The following VGLL2 variants were observed in gnomAD, a reference collection of about 807,000 sequenced individuals.
VGLL2 encodes the protein transcription cofactor vestigial-like protein 2.
Under a neutral mutation model 27.0 loss-of-function variants are expected in VGLL2, and 18 were observed. The ratio of observed to expected loss-of-function variants is 0.67; its 90% CI spans 0.46 to 0.99. The LOEUF is 0.99. Among genes scored for constraint, VGLL2 ranks in the 50% least tolerant of loss-of-function variants. The pLI, the probability that VGLL2 is intolerant of heterozygous loss-of-function variation, is 0.00. For missense variants in VGLL2, 491 were observed against 452.3 expected, an observed-to-expected ratio of 1.09 and a Z score of -0.78; for synonymous variants, 220 against 201.1, an observed-to-expected ratio of 1.09 and a Z score of -0.80.
In VGLL2 at chr6:117,270,928, G is replaced by A. The variant is rs1324202991; in HGVS notation, c.777G>A (p.Ala259=). ...CGGCCCGCCTCGCAACCGCCCCGGC[G>A]CCCGCGCCCGGCAGTCCTCCCTGCG... The part of the protein sequence containing the change: ...GRPARLATAP[A]PAPGSPPCEL... The change falls in exon 3 of 4, where the codon GCG becomes GCA. Residue 259 remains alanine (A), a synonymous_variant. Coordinates refer to ENST00000326274, the MANE Select transcript of VGLL2 (RefSeq NM_182645.3). 3.0e-5 allele frequency: 37 copies of A among 1,242,930 alleles called. No homozygotes were observed. Among genetic ancestry groups the A allele is most frequent in the African/African-American group, 6.3e-5 (4 of 63,496 alleles). 77.0% of individuals were successfully genotyped at this position (1,242,930 alleles called of 1,614,324 possible).
Position 117,265,892 on chromosome 6 carries a change from T to C in VGLL2, c.81+48T>C, listed in dbSNP as rs763213034. On this transcript the variant is annotated intron_variant, in intron 1 of 3. Transcript: ENST00000326274. ...TTGGGAAGGAGTGCGCGCCCCCCGTTTGCGGCGGCATGGCCTGTACGCCAA... is the reference window on the plus strand; with the variant it reads ...TTGGGAAGGAGTGCGCGCCCCCCGTCTGCGGCGGCATGGCCTGTACGCCAA... The C allele has an allele frequency of 1.6e-5, 24 of 1,547,276 alleles. No homozygotes were observed. In the African/African-American group the frequency reaches 3.1e-4, roughly 20 times the overall value.
At position 117,272,629 on chromosome 6, in the gene VGLL2, C is replaced by CA; in HGVS notation, c.*140dup. On this transcript the variant is annotated 3_prime_UTR_variant, in exon 4 of 4. Coordinates refer to ENST00000326274, the MANE Select transcript of VGLL2 (RefSeq NM_182645.3). ...AGACTTCTCAGTGTGTTGGGAAAAC[C>CA]AAAAACCACAACTACAGAAATTCAT... 1 of 1,218,044 alleles carries CA rather than the reference C, an allele frequency of 8.2e-7. No individual in the cohort carries two copies. The highest frequency in any genetic ancestry group is 1.4e-5 in the South Asian group (1 of 69,428). The allele number at this position is 1,218,044 out of a possible 1,614,324, so 75.5% of individuals were successfully genotyped here. A position where few individuals can be genotyped will look rare whatever the true frequency, so the allele number is the denominator to read the frequency against.
At chr6:117,265,924 C>A in intron 1 of VGLL2, 80 bp downstream of exon 1, 1 of 1,325,556 alleles carries the variant, frequency 7.5e-7, no homozygotes, top group Non-Finnish European at 1.1e-6. Context: ...CCAAGGTCTG[C>A]TGTGCCTCCG....
At position 117,270,555 on chromosome 6, in the gene VGLL2, C is replaced by A; in HGVS notation, c.404C>A (p.Pro135Gln). 2 of 1,598,424 alleles carry A rather than the reference C, an allele frequency of 1.3e-6. No homozygotes were observed. The highest frequency in any genetic ancestry group is 1.7e-6 in the Non-Finnish European group (2 of 1,173,922). ...GGCCGGCCTACAGACTGCTCCTTCCCGATGAGCCAGCGCAGCTTCCCCGCC... is the reference window on the plus strand; with the variant it reads ...GGCCGGCCTACAGACTGCTCCTTCCAGATGAGCCAGCGCAGCTTCCCCGCC... ...SSGPWRDCSF[P>Q]MSQRSFPASF... The change falls in exon 3 of 4, where the codon CCG becomes CAG. Residue 135 changes from proline to glutamine, a missense_variant. Transcript: ENST00000326274.
In VGLL2 at chr6:117,272,928, G is replaced by A. The variant is rs755997084; in HGVS notation, c.*434G>A. 1 of 167,244 alleles carries A rather than the reference G, an allele frequency of 6.0e-6. No homozygotes were observed. The highest frequency in any genetic ancestry group is 1.8e-4 in the East Asian group (1 of 5,586). 10.4% of individuals were successfully genotyped at this position (167,244 alleles called of 1,614,324 possible). Reference sequence around the variant, plus strand: ...TACTTGCATCTAAGACTGTGGTAGAGAAGTAAAGAGAAGTCAATTCCTTCT... The same window carrying A: ...TACTTGCATCTAAGACTGTGGTAGAAAAGTAAAGAGAAGTCAATTCCTTCT... On this transcript the variant is annotated 3_prime_UTR_variant, in exon 4 of 4. Coordinates refer to ENST00000326274, the MANE Select transcript of VGLL2 (RefSeq NM_182645.3).
chr6:117,269,502 A>T (rs1202641376), intron 2 of VGLL2, among the ~76,000 whole-genome samples: 1 of 152,224 alleles, frequency 6.6e-6, no homozygotes, highest in Admixed American at 6.5e-5. Context: ...TCCAAAAAAC[A>T]TTCATTTTAA....
chr6:117,270,514 T>G (rs1372485693), intron 2 of VGLL2, 29 bp from the exon 3 acceptor site: 1 of 1,557,544 alleles, frequency 6.4e-7, no homozygotes, highest in Non-Finnish European at 8.7e-7. Context: ...TTTCCTTTCC[T>G]CCACTCCGCC....
chr6:117,268,370 T>C lies in VGLL2; in HGVS notation c.270T>C (p.Tyr90=). Residue 90 remains tyrosine (Y), a synonymous_variant, in exon 2 of 4, where the codon TAT becomes TAC. Transcript: ENST00000326274. ...YINSRCVLFT[Y]FQGDISSVVD... The stretch of plus-strand genomic sequence containing the variant: ...ACTCCCGCTGCGTCCTCTTCACTTA[T>C]TTCCAGGGGGACATCAGCTCCGTGG... The C allele has an allele frequency of 1.9e-6, 3 of 1,614,030 alleles. No homozygotes were observed. The highest frequency in any genetic ancestry group is 1.1e-5 in the South Asian group (1 of 91,066).
rs912316626 is a variant in VGLL2 at position 117,272,532 on chromosome 6, G to C, written c.*38G>C. On this transcript the variant is annotated 3_prime_UTR_variant, in exon 4 of 4. Transcript: ENST00000326274. ...GGGTTTCCCCTTCCCCTTCCCTTCT[G>C]ACCAGCCTTGGAGGCTCAGCATCTG... The C allele has an allele frequency of 3.1e-6, 5 of 1,613,754 alleles. No homozygotes were observed. The African/African-American group carries it at 6.7e-5, about 22-fold the overall frequency.
Position 117,270,769 on chromosome 6 carries a change from C to G in VGLL2, c.618C>G (p.His206Gln). 1 of 1,473,530 alleles carries G rather than the reference C, an allele frequency of 6.8e-7. No individual in the cohort carries two copies. The highest frequency in any genetic ancestry group is 8.9e-7 in the Non-Finnish European group (1 of 1,120,628). 91.3% of individuals were successfully genotyped at this position (1,473,530 alleles called of 1,614,324 possible). Residue 206 changes from histidine (H) to glutamine (Q), a missense_variant, in exon 3 of 4, where the codon CAC (histidine) becomes CAG (glutamine). Physicochemically the swap from His to Gln is conservative, Grantham distance 24. Coordinates refer to ENST00000326274, the MANE Select transcript of VGLL2 (RefSeq NM_182645.3). ...HAHPHHAHPH[H>Q]PYALGGALGA... ...ACCCGCACCACGCGCACCCGCATCA[C>G]CCCTACGCCCTGGGCGGCGCCCTCG...
At chr6:117,268,150 T>C in intron 1 of VGLL2, 32 bp from the exon 2 acceptor site, 1 of 1,600,660 alleles carries the variant, frequency 6.2e-7, no homozygotes, top group Non-Finnish European at 8.5e-7. Flanking sequence ...GCTTTTGAAA[T>C]TGATATCTCT....
In VGLL2 at chr6:117,270,720, C is replaced by T; in HGVS notation, c.569C>T (p.Ala190Val). ...AALHGHLHQGATEPWHHAHPH... is the reference protein window; with the variant it reads ...AALHGHLHQGVTEPWHHAHPH... The stretch of plus-strand genomic sequence containing the variant: ...CTGCATGGCCACCTGCACCAGGGCG[C>T]CACGGAGCCCTGGCACCACGCGCAC... The change falls in exon 3 of 4, where the codon GCC becomes GTC. Residue 190 changes from alanine to valine, a missense_variant. By Grantham distance (64) the Ala-to-Val change is moderately conservative. Coordinates refer to ENST00000326274, the MANE Select transcript of VGLL2 (RefSeq NM_182645.3). The T allele has an allele frequency of 6.5e-7, 1 of 1,527,102 alleles. No homozygotes were observed. The highest frequency in any genetic ancestry group is 8.7e-7 in the Non-Finnish European group (1 of 1,146,800). The allele number at this position is 1,527,102 out of a possible 1,614,324, so 94.6% of individuals were successfully genotyped here. A position where few individuals can be genotyped will look rare whatever the true frequency, so the allele number is the denominator to read the frequency against.
At position 117,270,906 on chromosome 6, in the gene VGLL2, C is replaced by T. The variant is rs761854351; in HGVS notation, c.755C>T (p.Ala252Val). Residue 252 changes from alanine (A) to valine (V), a missense_variant, in exon 3 of 4, where the codon GCC becomes GTC. Coordinates refer to ENST00000326274, the MANE Select transcript of VGLL2 (RefSeq NM_182645.3). ...LLMPAASGRP[A>V]RLATAPAPAP... ...ATGCCAGCCGCCTCGGGGCGCCCGG[C>T]CCGCCTCGCAACCGCCCCGGCGCCC... 4 of 1,262,944 alleles carry T rather than the reference C, an allele frequency of 3.2e-6. No individual in the cohort carries two copies. Among genetic ancestry groups the T allele is most frequent in the Non-Finnish European group, 4.0e-6 (4 of 1,009,006 alleles). 78.2% of individuals were successfully genotyped at this position (1,262,944 alleles called of 1,614,324 possible).
At chr6:117,265,936 G>C in intron 1 of VGLL2, 92 bp downstream of exon 1, 4 of 1,192,944 alleles carry the variant, frequency 3.4e-6, no homozygotes, top group Non-Finnish European at 4.9e-6. Flanking sequence ...GTGCCTCCGC[G>C]CGTCTCGGGC....
Position 117,270,109 on chromosome 6 carries a change from G to A in VGLL2, c.392-434G>A, listed in dbSNP as rs577150720. On this transcript the variant is annotated intron_variant, in intron 2 of 3. Transcript: ENST00000326274. The stretch of plus-strand genomic sequence containing the variant: ...AGGCGGCCGACCAAGAGTGGGAAGA[G>A]GTATCGTTAGCTTGGGGAGAGGTTA... 2.0e-5 allele frequency among the ~76,000 whole-genome samples: 3 copies of A among 152,136 alleles called. No individual in the cohort carries two copies. The East Asian group carries it at 5.8e-4, about 29-fold the overall frequency.
rs1418697276 is a variant in VGLL2, at chr6:117,273,452, C to T, written c.*958C>T. On this transcript the variant is annotated 3_prime_UTR_variant, in exon 4 of 4. Transcript: ENST00000326274. ...ACCTCGAATTTTTTTCTCAGTCTCACTGGTTGTGATTTGGTCACTTTAGTG... is the reference window on the plus strand; with the variant it reads ...ACCTCGAATTTTTTTCTCAGTCTCATTGGTTGTGATTTGGTCACTTTAGTG... 1 of 152,096 alleles carries T rather than the reference C, an allele frequency of 6.6e-6. No individual in the cohort carries two copies. Among genetic ancestry groups the T allele is most frequent in the Non-Finnish European group, 1.5e-5 (1 of 68,036 alleles). The allele number at this position is 152,096 out of a possible 1,614,324, so 9.4% of individuals were successfully genotyped here. A position where few individuals can be genotyped will look rare whatever the true frequency, so the allele number is the denominator to read the frequency against.
rs1245193138 is a variant in VGLL2 at position 117,272,478 on chromosome 6, C to T, written c.938C>T (p.Ala313Val). 9.9e-6 allele frequency: 16 copies of T among 1,614,080 alleles called. No individual in the cohort carries two copies. Among genetic ancestry groups the T allele is most frequent in the Non-Finnish European group, 1.4e-5 (16 of 1,180,048 alleles). ...DSARRYSLCG[A>V]SLLS The stretch of plus-strand genomic sequence containing the variant: ...GCTCGTCGTTATTCCCTCTGTGGTG[C>T]ATCCCTCCTGAGCTGATCTGCTGAC... Residue 313 changes from alanine to valine, a missense_variant, in exon 4 of 4, where the codon GCA becomes GTA. Physicochemically the swap from Ala to Val is moderately conservative, Grantham distance 64 (BLOSUM62 0). Transcript: ENST00000326274.
In VGLL2 at chr6:117,266,903, C is replaced by G. The variant is rs182425775; in HGVS notation, c.81+1059C>G. On this transcript the variant is annotated intron_variant, in intron 1 of 3. Transcript: ENST00000326274. ...CCGGATAGGGTTCACTTTTTGTTTT[C>G]TTACCTCCTCTTCTCTTTTAAACTT... 1.6e-3 allele frequency among the ~76,000 whole-genome samples: 237 copies of G among 152,252 alleles called. 3 individuals are homozygous for G. The East Asian group carries it at 0.032, about 21-fold the overall frequency.
rs143695293 is a variant in VGLL2, at chr6:117,270,520, C to T, written c.392-23C>T. 7,177 of 1,568,746 alleles carry T rather than the reference C, an allele frequency of 4.6e-3. 24 individuals carry two copies. The highest frequency in any genetic ancestry group is 6.5e-3 in the Admixed American group (361 of 55,606). ...CGCACCTCTTTTCCTTTCCTCCACT[C>T]CGCCTCCCCGGCCGGCCTACAGACT... On this transcript the variant is annotated intron_variant, in intron 2 of 3. Transcript: ENST00000326274.
Sources: allele counts gnomAD v4.1 joint callset (sites outside exome capture counted in the v4.1 genomes callset), GRCh38; gene constraint gnomAD v4.1.1; transcripts MANE v1.5; gene names NCBI Gene and HGNC (gene_info 2026-07-23, HGNC 2026-07-21).